The following RB1 variants were observed in gnomAD, a reference collection of about 807,000 sequenced individuals.
The protein encoded by RB1 is RB transcriptional corepressor 1.
Under a neutral mutation model 135.4 loss-of-function variants are expected in RB1, and 18 were observed. The observed-to-expected ratio is 0.13, with a 90% confidence interval of 0.09 to 0.20. The LOEUF (loss-of-function observed/expected upper bound fraction) is 0.20, where lower values mean the gene tolerates loss of function less well. Among genes scored for constraint, RB1 ranks in the 10% least tolerant of loss-of-function variants. The pLI is 1.00. For synonymous variants in RB1, 365 were observed against 373.2 expected, an observed-to-expected ratio of 0.98 and a Z score of 0.25; for missense variants, 868 against 1,110.0, an observed-to-expected ratio of 0.78 and a Z score of 3.10.
chr13:48,344,987 A>G, intron 3 of RB1, 93 bp from the exon 4 acceptor site: 1 of 1,416,376 alleles, frequency 7.1e-7, no homozygotes, highest in Non-Finnish European at 9.7e-7. Context: ...TAGAGCTGAT[A>G]ATCTTTTGAA....
intron 6 of RB1, among the ~76,000 whole-genome samples, chr13:48,358,519 CGTT>C (rs1281762970): frequency 2.0e-5 from 3 of 152,044 alleles, no homozygotes; most frequent in Admixed American, 6.6e-5. Context: ...TGATACAAGC[CGTT>C]GTTCTGAGTT....
intron 9 of RB1, among the ~76,000 whole-genome samples, chr13:48,365,195 A>G (rs781432343): frequency 4.6e-5 from 7 of 152,216 alleles, no homozygotes; most frequent in Non-Finnish European, 7.4e-5. Flanking sequence ...TATACTAGAA[A>G]TCAATCTTTA....
intron 17 of RB1, chr13:48,412,204 T>C (rs1196290268): frequency 6.2e-7 from 1 of 1,613,922 alleles, no homozygotes; most frequent in Admixed American, 1.7e-5. Flanking sequence ...AAGTAAAAAA[T>C]CCTGAAGGGT....
intron 17 of RB1, among the ~76,000 whole-genome samples, chr13:48,435,661 A>G (rs1203773942): frequency 6.6e-6 from 1 of 152,044 alleles, no homozygotes; most frequent in African/African-American, 2.4e-5. Flanking sequence ...TTTCCCTTAT[A>G]CTTAAAAAAT....
chr13:48,450,817 G>A (rs559872286), intron 17 of RB1, among the ~76,000 whole-genome samples: 1 of 152,286 alleles, frequency 6.6e-6, no homozygotes, highest in South Asian at 2.1e-4. Context: ...CCATAAGCAT[G>A]GAATGTTTTT....
rs2138027266 is a variant in RB1, at chr13:48,303,952, G to C, written c.40G>C (p.Ala14Pro). ...CCCCCGAAAAACGGCCGCCACCGCC[G>C]CCGCTGCCGCCGCGGAACCCCCGGC... is the stretch of plus-strand genomic sequence containing the variant. ...KTPRKTAATA[A>P]AAAAEPPAPP... The change falls in exon 1 of 27, where the codon GCC (alanine) becomes CCC (proline). Residue 14 changes from alanine to proline, a missense_variant. Transcript: ENST00000267163. The C allele has an allele frequency of 6.7e-7, 1 of 1,503,118 alleles. No individual in the cohort carries two copies. Among genetic ancestry groups the C allele is most frequent in the Non-Finnish European group, 8.8e-7 (1 of 1,136,166 alleles). 93.1% of individuals were successfully genotyped at this position (1,503,118 alleles called of 1,614,324 possible).
At chr13:48,459,865 T>G (rs754947857) in intron 20 of RB1, 32 bp downstream of exon 20, 3 of 1,554,986 alleles carry the variant, frequency 1.9e-6, no homozygotes, top group Non-Finnish European at 2.6e-6. Flanking sequence ...CCTTCTCTCC[T>G]CCCTACTTAC....
intron 2 of RB1, chr13:48,328,145 A>C (rs1952303783): frequency 1.5e-6 from 2 of 1,315,900 alleles, no homozygotes; most frequent in Admixed American, 3.4e-5. Flanking sequence ...GCTTCTGGTT[A>C]TCAGAAAACC....
intron 4 of RB1, among the ~76,000 whole-genome samples, chr13:48,346,326 C>A (rs540094934): frequency 6.8e-5 from 10 of 147,354 alleles, no homozygotes; most frequent in African/African-American, 2.2e-4. Context: ...TAGAATGTTT[C>A]TTTCCTTTGG....
chr13:48,309,878 C>G (rs1952116797), intron 2 of RB1, among the ~76,000 whole-genome samples: 1 of 152,064 alleles, frequency 6.6e-6, no homozygotes, highest in Non-Finnish European at 1.5e-5. Flanking sequence ...GCAAATGTTA[C>G]TGCTTTATTA....
At chr13:48,451,591 G>A (rs1949327339) in intron 17 of RB1, among the ~76,000 whole-genome samples, 1 of 151,992 alleles carries the variant, frequency 6.6e-6, no homozygotes, top group African/African-American at 2.4e-5. Context: ...TTTTTTTGTT[G>A]TATCTCTGTT....
intron 6 of RB1, among the ~76,000 whole-genome samples, chr13:48,356,659 C>T (rs1952594653): frequency 6.6e-6 from 1 of 151,872 alleles, no homozygotes; most frequent in Non-Finnish European, 1.5e-5. Flanking sequence ...TCTATTTTGT[C>T]ACTATAATTA....
At position 48,380,222 on chromosome 13, in the gene RB1, T is replaced by C. The variant is rs777825083; in HGVS notation, c.1479T>C (p.Val493=). 2.5e-6 allele frequency: 4 copies of C among 1,606,108 alleles called. No homozygotes were observed. The South Asian group carries it at 4.4e-5, about 18-fold the overall frequency. The change falls in exon 16 of 27, where the codon GTT becomes GTC. Residue 493 remains valine (V), a synonymous_variant. Transcript: ENST00000267163. ...HMSLLACALE[V]VMATYSRSTS... is the part of the protein sequence containing the mutation. ...CTTTATTGGCGTGCGCTCTTGAGGT[T>C]GTAATGGCCACATATAGCAGTAAGT...
rs183891114 is a variant in RB1, at chr13:48,338,370, A to G, written c.265-4229A>G. ...GAGTCCGGTATTTCTTGTAGGCTTT[A>G]TTTGTTTCTTTTTACTCTTTTTTCT... On this transcript the variant is annotated intron_variant, in intron 2 of 26. Coordinates refer to ENST00000267163, the MANE Select transcript of RB1 (RefSeq NM_000321.3). Among the ~76,000 whole-genome samples the G allele has an allele frequency of 5.6e-3, 848 of 151,994 alleles. 5 individuals carry two copies. The highest frequency in any genetic ancestry group is 0.01 in the Middle Eastern group (3 of 294).
At chr13:48,336,940 C>G (rs198627) in intron 2 of RB1, among the ~76,000 whole-genome samples, 118,892 of 151,976 alleles carry the variant, frequency 0.78, 52,221 homozygotes, top group Non-Finnish European at 0.97. Context: ...TCGTTATGTA[C>G]CCAGTAGTCA....
At chr13:48,432,387 A>G (rs1328023279) in intron 17 of RB1, among the ~76,000 whole-genome samples, 1 of 149,474 alleles carries the variant, frequency 6.7e-6, no homozygotes, top group Admixed American at 6.7e-5. Context: ...CTTATTTTTC[A>G]TGGCACCTCA....
intron 26 of RB1, among the ~76,000 whole-genome samples, chr13:48,478,741 T>C (rs1049784238): frequency 3.9e-5 from 6 of 152,190 alleles, no homozygotes; most frequent in Non-Finnish European, 7.3e-5. Flanking sequence ...TCAGCTTTTC[T>C]TAAAGAATTA....
intron 17 of RB1, among the ~76,000 whole-genome samples, chr13:48,445,870 C>T (rs1949283344): frequency 6.6e-6 from 1 of 152,128 alleles, no homozygotes; most frequent in African/African-American, 2.4e-5. Flanking sequence ...TTCTATTTGA[C>T]TAACATTTGA....
At chr13:48,318,082 C>G in intron 2 of RB1, 1 of 537,642 alleles carries the variant, frequency 1.9e-6, no homozygotes, top group South Asian at 1.8e-5. Flanking sequence ...CCTTCAGAGG[C>G]GGAGGCAGAG....
Sources: allele counts gnomAD v4.1 joint callset (sites outside exome capture counted in the v4.1 genomes callset), GRCh38; gene constraint gnomAD v4.1.1; transcripts MANE v1.5; gene names NCBI Gene and HGNC (gene_info 2026-07-23, HGNC 2026-07-21).